DTNA: variants seen among roughly 807,000 people sequenced by gnomAD.
DTNA encodes dystrobrevin alpha, also known as dystrophin-related protein 3.
DTNA carries 43 observed loss-of-function variants against 100.7 expected under a neutral mutation model. The observed-to-expected ratio is 0.43, with a 90% confidence interval of 0.33 to 0.55. The LOEUF (loss-of-function observed/expected upper bound fraction) is 0.55. Ranked by LOEUF, DTNA falls within the 20% of genes least tolerant of loss-of-function variation. DTNA has a pLI of 0.04. For missense variants in DTNA, 798 were observed against 953.9 expected (o/e 0.84, Z 2.15); for synonymous variants, 349 against 347.9 (o/e 1.00, Z -0.04).
upstream of DTNA, among the ~76,000 whole-genome samples, chr18:34,707,132 A>G (rs2082217299): frequency 6.6e-6 from 1 of 152,160 alleles, no homozygotes; most frequent in South Asian, 2.1e-4. Context: ...TAAGCGCGTG[A>G]CTTCTGAGCC....
chr18:34,519,907 C>A (rs1228548322), intron 1 of DTNA, among the ~76,000 whole-genome samples: 1 of 152,102 alleles, frequency 6.6e-6, no homozygotes, highest in Non-Finnish European at 1.5e-5. Flanking sequence ...GGTTTAAGCC[C>A]CTAGGTTCTC....
At chr18:34,835,091 T>G (rs1280176792) in intron 11 of DTNA, among the ~76,000 whole-genome samples, 1 of 152,180 alleles carries the variant, frequency 6.6e-6, no homozygotes, top group East Asian at 1.9e-4. Context: ...GTTTTCATCA[T>G]GCATTTGGCC....
At chr18:34,749,230 G>C (rs1221176141) in intron 1 of DTNA, among the ~76,000 whole-genome samples, 2 of 151,952 alleles carry the variant, frequency 1.3e-5, no homozygotes, top group Non-Finnish European at 2.9e-5. Flanking sequence ...CTAGTCTTTA[G>C]GGCCTCCTAG....
chr18:34,836,106 G>T (rs2096137252), intron 11 of DTNA, among the ~76,000 whole-genome samples: 1 of 152,178 alleles, frequency 6.6e-6, no homozygotes, highest in South Asian at 2.1e-4. Flanking sequence ...ACTGCATAAT[G>T]AATGTATGGA....
Position 34,669,672 on chromosome 18 carries a change from C to T in DTNA, c.-1-86304C>T, listed in dbSNP as rs141404482. Among the ~76,000 whole-genome samples the T allele has an allele frequency of 3.9e-5, 6 of 152,006 alleles. No homozygotes were observed. In the East Asian group the frequency reaches 9.6e-4, roughly 24 times the overall value. On this transcript the variant is annotated intron_variant, in intron 1 of 19. Transcript: ENST00000283365. ...GCTTGTCTGTAAAGGATTTTATTTC[C>T]CCTTCACTTATGAAGCTTAGTTTGG...
chr18:34,574,335 T>C, intron 1 of DTNA: 1 of 153,190 alleles, frequency 6.5e-6, no homozygotes, highest in Non-Finnish European at 1.5e-5. Context: ...CAGCCTCTTG[T>C]TCTTGTCGAG....
chr18:34,838,076 T>C lies in DTNA; in HGVS notation c.1176-18T>C. 1 of 1,613,312 alleles carries C rather than the reference T, an allele frequency of 6.2e-7. No individual in the cohort carries two copies. The highest frequency in any genetic ancestry group is 1.1e-5 in the South Asian group (1 of 91,028). On this transcript the variant is annotated intron_variant, in intron 11 of 22. Coordinates refer to ENST00000444659, the MANE Select transcript of DTNA (RefSeq NM_001386795.1). ...GCCGTGTTTACGCTCTTCTTGGCTT[T>C]CCCATCTTATTAACTAGCTCTCCTC...
At chr18:34,672,214 C>G (rs983664886) in intron 1 of DTNA, among the ~76,000 whole-genome samples, 1 of 151,782 alleles carries the variant, frequency 6.6e-6, no homozygotes, top group Non-Finnish European at 1.5e-5. Flanking sequence ...TGTGGGGTGG[C>G]ATTTATCTAT....
At chr18:34,640,840 A>G (rs1258178170) in intron 1 of DTNA, among the ~76,000 whole-genome samples, 3 of 152,206 alleles carry the variant, frequency 2.0e-5, no homozygotes, top group South Asian at 2.1e-4. Context: ...TTCTAAAAGC[A>G]AAGGTTTGTT....
intron 1 of DTNA, among the ~76,000 whole-genome samples, chr18:34,742,727 G>A (rs2090933302): frequency 6.8e-6 from 1 of 147,690 alleles, no homozygotes; most frequent in Non-Finnish European, 1.5e-5. Flanking sequence ...TAAAAACAGG[G>A]TAATATAGTA....
At chr18:34,767,209 A>T (rs1323791731) in intron 3 of DTNA, among the ~76,000 whole-genome samples, 1 of 84,440 alleles carries the variant, frequency 1.2e-5, no homozygotes, top group Non-Finnish European at 2.6e-5. Flanking sequence ...TGGTAATTAG[A>T]CTCATGGTAA....
intron 1 of DTNA, among the ~76,000 whole-genome samples, chr18:34,634,581 A>G (rs141794754): frequency 4.5e-4 from 68 of 152,276 alleles, no homozygotes; most frequent in South Asian, 1.2e-3. Context: ...TGTGAAGAAA[A>G]TCCAGTCTCA....
At chr18:34,768,913 T>C (rs1429069860) in intron 3 of DTNA, among the ~76,000 whole-genome samples, 2 of 152,182 alleles carry the variant, frequency 1.3e-5, no homozygotes, top group African/African-American at 4.8e-5. Flanking sequence ...GTACATGGTA[T>C]GTGAGAGCTT....
At chr18:34,579,832 C>A (rs1598718383) in intron 1 of DTNA, among the ~76,000 whole-genome samples, 2 of 152,142 alleles carry the variant, frequency 1.3e-5, no homozygotes, top group East Asian at 3.9e-4. Context: ...ACTTAACTTT[C>A]TTCATACATG....
intron 17 of DTNA, among the ~76,000 whole-genome samples, chr18:34,873,916 T>C (rs369117151): frequency 1.3e-5 from 2 of 152,288 alleles, no homozygotes; most frequent in South Asian, 2.1e-4. Flanking sequence ...TCCTTGGGCC[T>C]GGACAGACCA....
At chr18:34,666,028 C>G (rs1309549791) in intron 1 of DTNA, among the ~76,000 whole-genome samples, 1 of 152,208 alleles carries the variant, frequency 6.6e-6, no homozygotes, top group Non-Finnish European at 1.5e-5. Context: ...AACTAGTTTA[C>G]AGTCCCACCA....
chr18:34,641,800 G>C (rs2059308474), intron 1 of DTNA, among the ~76,000 whole-genome samples: 1 of 152,192 alleles, frequency 6.6e-6, no homozygotes, highest in African/African-American at 2.4e-5. Flanking sequence ...GCTTGGAGTT[G>C]AGTGGTGGAG....
At chr18:34,829,086 T>G in intron 10 of DTNA, 1 of 1,614,132 alleles carries the variant, frequency 6.2e-7, no homozygotes, top group East Asian at 2.2e-5. Flanking sequence ...ATAACATGAC[T>G]TCTTCTACCC....
chr18:34,729,931 G>A (rs989594220), intron 1 of DTNA, among the ~76,000 whole-genome samples: 5 of 151,896 alleles, frequency 3.3e-5, no homozygotes, highest in Non-Finnish European at 7.4e-5. Flanking sequence ...GATAAGTCTA[G>A]AAGAGCTTTA....
Sources: gnomAD v4.1 joint callset for allele counts (sites outside exome capture counted in the v4.1 genomes callset) on GRCh38, gnomAD v4.1.1 for gene constraint, MANE v1.5 for transcripts, NCBI Gene and HGNC (gene_info 2026-07-23, HGNC 2026-07-21) for gene names.